Variants in WWTR1 observed in about 807,000 individuals in gnomAD.
The protein encoded by WWTR1 is WW domain-containing transcription regulator protein 1.
WWTR1 carries 13 observed loss-of-function variants against 40.1 expected under a neutral mutation model. The observed-to-expected ratio is 0.32, with a 90% CI of 0.21 to 0.52. The LOEUF is 0.52. Ranked by LOEUF, WWTR1 falls within the 20% of genes least tolerant of loss-of-function variation. WWTR1 has a pLI of 0.97. For synonymous variants in WWTR1, 230 were observed against 210.1 expected (o/e 1.09, Z -0.82); for missense variants, 436 against 523.1 (o/e 0.83, Z 1.63).
At chr3:149,704,134 T>G (rs1715272880), upstream of WWTR1, among the ~76,000 whole-genome samples, 1 of 152,126 alleles carries the variant, frequency 6.6e-6, no homozygotes, top group Non-Finnish European at 1.5e-5. Flanking sequence ...TGAGCCACCA[T>G]GCCTGGCCAA....
chr3:149,716,942 T>G (rs1050195697), intron 5 of WWTR1, among the ~76,000 whole-genome samples: 1 of 152,192 alleles, frequency 6.6e-6, no homozygotes. Flanking sequence ...TTTGGGAAGC[T>G]GAGGTGGGCG....
intron 1 of WWTR1, among the ~76,000 whole-genome samples, chr3:149,676,053 AC>A (rs1463254350): frequency 2.0e-5 from 3 of 152,176 alleles, no homozygotes; most frequent in African/African-American, 7.2e-5. Flanking sequence ...ACTGGTATCT[AC>A]TGGTAAGGAA....
At chr3:149,583,841 T>C (rs947441288) in intron 2 of WWTR1, among the ~76,000 whole-genome samples, 3 of 152,136 alleles carry the variant, frequency 2.0e-5, no homozygotes, top group African/African-American at 7.2e-5. Flanking sequence ...CAACGAGCAG[T>C]ATGGTGGTAA....
chr3:149,533,936 A>C (rs1164390307), intron 4 of WWTR1, among the ~76,000 whole-genome samples: 1 of 151,920 alleles, frequency 6.6e-6, no homozygotes, highest in Non-Finnish European at 1.5e-5. Context: ...ACTGTGTGTG[A>C]AACACTGTTC....
At chr3:149,617,032 G>T (rs78503680) in intron 2 of WWTR1, among the ~76,000 whole-genome samples, 2,881 of 152,194 alleles carry the variant, frequency 0.019, 79 homozygotes, top group African/African-American at 0.066. Context: ...GAAAAAAAAT[G>T]TCCCTGAAAA....
At chr3:149,710,248 A>T (rs1225735142) in intron 5 of WWTR1, among the ~76,000 whole-genome samples, 1 of 152,102 alleles carries the variant, frequency 6.6e-6, no homozygotes, top group Non-Finnish European at 1.5e-5. Flanking sequence ...CTATATAAGC[A>T]TTGTATCGTT....
chr3:149,554,141 A>G (rs1736725269), intron 3 of WWTR1, among the ~76,000 whole-genome samples: 1 of 152,118 alleles, frequency 6.6e-6, no homozygotes, highest in South Asian at 2.1e-4. Flanking sequence ...TACTATCCCA[A>G]CTTCACACTG....
At chr3:149,634,765 C>A (rs947679851) in intron 2 of WWTR1, among the ~76,000 whole-genome samples, 1 of 152,226 alleles carries the variant, frequency 6.6e-6, no homozygotes, top group Non-Finnish European at 1.5e-5. Flanking sequence ...AGCTGGCATT[C>A]GCCCTTTCAC....
chr3:149,689,946 A>T (rs2108212178), intron 1 of WWTR1, among the ~76,000 whole-genome samples: 2 of 152,308 alleles, frequency 1.3e-5, no homozygotes, highest in Non-Finnish European at 2.9e-5. Flanking sequence ...ATAGAAACAG[A>T]AACCACAAGG....
intron 2 of WWTR1, among the ~76,000 whole-genome samples, chr3:149,639,838 C>CA (rs1220096834): frequency 6.6e-6 from 1 of 151,286 alleles, no homozygotes; most frequent in East Asian, 1.9e-4. Flanking sequence ...CTAAAAAATA[C>CA]AAAAAAATAC....
At chr3:149,527,687 T>C in intron 5 of WWTR1, 149 bp downstream of exon 5, 1 of 1,236,192 alleles carries the variant, frequency 8.1e-7, no homozygotes, top group Non-Finnish European at 1.1e-6. Flanking sequence ...GCTTTTCTTT[T>C]TTCTGCCAGC....
chr3:149,625,547 T>A (rs923448554), intron 2 of WWTR1, among the ~76,000 whole-genome samples: 2 of 152,184 alleles, frequency 1.3e-5, no homozygotes, highest in East Asian at 3.9e-4. Context: ...TCCCAGCACT[T>A]TGGAAGGCCA....
chr3:149,537,593 G>C (rs746474445), intron 4 of WWTR1, among the ~76,000 whole-genome samples: 2 of 151,890 alleles, frequency 1.3e-5, no homozygotes, highest in Non-Finnish European at 2.9e-5. Context: ...TATTCTTTTT[G>C]TTTACATACA....
chr3:149,517,799 A>G lies in WWTR1; in HGVS notation c.*3006T>C, dbSNP rs1215535389. Reference sequence around the variant, plus strand: ...AATTGCAATTAGGTTTTGACAATGTATTTACTTCAAGACAATGTATTTTAT... The same window carrying G: ...AATTGCAATTAGGTTTTGACAATGTGTTTACTTCAAGACAATGTATTTTAT... On this transcript the variant is annotated 3_prime_UTR_variant, in exon 7 of 7. Coordinates refer to ENST00000360632, the MANE Select transcript of WWTR1 (RefSeq NM_015472.6). 1 of 152,202 alleles carries G rather than the reference A, an allele frequency of 6.6e-6. No homozygotes were observed. The allele number at this position is 152,202 out of a possible 1,614,324, so 9.4% of individuals were successfully genotyped here.
chr3:149,673,610 C>CA (rs1400299956), intron 1 of WWTR1, among the ~76,000 whole-genome samples: 1 of 152,178 alleles, frequency 6.6e-6, no homozygotes, highest in Non-Finnish European at 1.5e-5. Context: ...TGCTCAGAGA[C>CA]ATTTTTTCCA....
At chr3:149,714,819 A>G (rs958379813) in intron 5 of WWTR1, among the ~76,000 whole-genome samples, 6 of 152,162 alleles carry the variant, frequency 3.9e-5, no homozygotes, top group Non-Finnish European at 7.3e-5. Flanking sequence ...ACGGCCACCC[A>G]TGGACCAATC....
At chr3:149,614,115 A>G (rs960364651) in intron 2 of WWTR1, among the ~76,000 whole-genome samples, 1 of 152,162 alleles carries the variant, frequency 6.6e-6, no homozygotes, top group East Asian at 1.9e-4. Flanking sequence ...CTTATATTTC[A>G]TCTGGGAAAA....
At chr3:149,677,976 G>A (rs1244193506) in intron 1 of WWTR1, among the ~76,000 whole-genome samples, 1 of 151,582 alleles carries the variant, frequency 6.6e-6, no homozygotes, top group Non-Finnish European at 1.5e-5. Flanking sequence ...TCACCATGTT[G>A]GCCAGGCTGA....
At chr3:149,652,100 C>A (rs1712913475) in intron 2 of WWTR1, among the ~76,000 whole-genome samples, 1 of 150,674 alleles carries the variant, frequency 6.6e-6, no homozygotes, top group Non-Finnish European at 1.5e-5. Flanking sequence ...GCCTCGGCCT[C>A]CCAAAGTGCT....
Sources: allele counts gnomAD v4.1 joint callset (sites outside exome capture counted in the v4.1 genomes callset), GRCh38; gene constraint gnomAD v4.1.1; transcripts MANE v1.5; gene names NCBI Gene and HGNC (gene_info 2026-07-23, HGNC 2026-07-21).